Variants in SENP7 observed in about 807,000 individuals in gnomAD.
SENP7 encodes sentrin-specific protease 7.
In SENP7, 64 loss-of-function variants were observed where a neutral mutation model predicts 141.2. That is an observed-to-expected ratio of 0.45 (90% CI 0.37 to 0.56). SENP7 has a LOEUF of 0.56. Among genes scored for constraint, SENP7 ranks in the 20% least tolerant of loss-of-function variants. SENP7 has a pLI of 0.00. For missense variants in SENP7, 1,025 were observed against 1,212.2 expected (o/e 0.85, Z 2.29); for synonymous variants, 382 against 426.4 (o/e 0.90, Z 1.28).
chr3:101,398,447 G>A (rs1003042331), intron 6 of SENP7, among the ~76,000 whole-genome samples: 8 of 152,108 alleles, frequency 5.3e-5, no homozygotes, highest in Non-Finnish European at 7.4e-5. Context: ...GCGACAGAAC[G>A]AGACTCCGCC....
rs1482854528 is a variant in SENP7, at chr3:101,325,894, G to C, written c.*49C>G. ...TGGCTAACACAAATGCTGGTAAGAG[G>C]CTTTCCAGTAATCTTAGAGAACATC... is the stretch of plus-strand genomic sequence containing the variant. On this transcript the variant is annotated 3_prime_UTR_variant, in exon 24 of 24. Coordinates refer to ENST00000394095, the MANE Select transcript of SENP7 (RefSeq NM_020654.5). 2 of 1,503,542 alleles carry C rather than the reference G, an allele frequency of 1.3e-6. No homozygotes were observed. The highest frequency in any genetic ancestry group is 1.8e-6 in the Non-Finnish European group (2 of 1,122,436). The allele number at this position is 1,503,542 out of a possible 1,614,324, so 93.1% of individuals were successfully genotyped here. A position where few individuals can be genotyped will look rare whatever the true frequency, so the allele number is the denominator to read the frequency against.
intron 4 of SENP7, among the ~76,000 whole-genome samples, chr3:101,457,925 C>T (rs1252395399): frequency 6.6e-6 from 1 of 152,180 alleles, no homozygotes. Context: ...ATGTGCAAAC[C>T]TTTCCGAAAA....
intron 12 of SENP7, among the ~76,000 whole-genome samples, chr3:101,350,910 T>C (rs2107267587): frequency 6.6e-6 from 1 of 152,156 alleles, no homozygotes; most frequent in Non-Finnish European, 1.5e-5. Context: ...AGAACAATTA[T>C]CATAACATAG....
intron 6 of SENP7, among the ~76,000 whole-genome samples, chr3:101,388,800 G>GA (rs561095230): frequency 2.4e-4 from 34 of 140,794 alleles, no homozygotes; most frequent in Admixed American, 8.4e-4. Flanking sequence ...TAGATATCCA[G>GA]AAAAAAAAAA....
At chr3:101,438,767 T>G (rs1030184021) in intron 4 of SENP7, among the ~76,000 whole-genome samples, 3 of 152,222 alleles carry the variant, frequency 2.0e-5, no homozygotes, top group African/African-American at 4.8e-5. Flanking sequence ...ACCAGATGGC[T>G]TCACTGATGA....
At position 101,343,692 on chromosome 3, in the gene SENP7, T is replaced by C; in HGVS notation, c.2100A>G (p.Val700=). 6.2e-7 allele frequency: 1 copy of C among 1,610,756 alleles called. No individual in the cohort carries two copies. The highest frequency in any genetic ancestry group is 8.5e-7 in the Non-Finnish European group (1 of 1,178,730). The change falls in exon 14 of 24, where the codon GTA becomes GTG. Residue 700 remains valine, a synonymous_variant. Transcript: ENST00000394095. ...AVAEEMKLKS[V]SQPSNTDAAK... is the part of the protein sequence containing the mutation. ...ATATTAATGATATGCTAACCTGAGATACTGATTTCAGCTTCATTTCTTCAG... is the reference window on the plus strand; with the variant it reads ...ATATTAATGATATGCTAACCTGAGACACTGATTTCAGCTTCATTTCTTCAG...
intron 9 of SENP7, among the ~76,000 whole-genome samples, chr3:101,365,790 C>T (rs776622590): frequency 6.6e-6 from 1 of 151,994 alleles, no homozygotes; most frequent in Non-Finnish European, 1.5e-5. Context: ...TCTATATCAG[C>T]GCAATTATTC....
At chr3:101,374,844 G>A (rs937491641) in intron 6 of SENP7, among the ~76,000 whole-genome samples, 2 of 150,572 alleles carry the variant, frequency 1.3e-5, no homozygotes, top group South Asian at 2.1e-4. Flanking sequence ...CACAGAATGG[G>A]AGAAAATATC....
At chr3:101,384,626 C>T (rs2553424) in intron 6 of SENP7, among the ~76,000 whole-genome samples, 48,475 of 152,112 alleles carry the variant, frequency 0.32, 8,227 homozygotes, top group Non-Finnish European at 0.38. Context: ...GCACAGTGGC[C>T]AGACCCAGCA....
intron 3 of SENP7, among the ~76,000 whole-genome samples, chr3:101,478,376 C>G (rs958670591): frequency 4.6e-5 from 7 of 152,018 alleles, no homozygotes; most frequent in African/African-American, 1.7e-4. Flanking sequence ...TTTTAATTAG[C>G]CAGCCATGGT....
At chr3:101,459,099 CAAG>C (rs746219318) in intron 3 of SENP7, 47 bp from the exon 4 acceptor site, 2 of 1,072,796 alleles carry the variant, frequency 1.9e-6, no homozygotes, top group African/African-American at 1.6e-5. Context: ...ATCAATATGA[CAAG>C]AGGCATTTAA....
At position 101,446,014 on chromosome 3, in the gene SENP7, A is replaced by G. The variant is rs183523205; in HGVS notation, c.284+12941T>C. On this transcript the variant is annotated intron_variant, in intron 4 of 23. Coordinates refer to ENST00000394095, the MANE Select transcript of SENP7 (RefSeq NM_020654.5). ...ATCTCATGTCATATTGTAATCCCCA[A>G]TGTTGGAAGAGGGGCCTTATGGGAG... 2.1e-3 allele frequency among the ~76,000 whole-genome samples: 322 copies of G among 152,218 alleles called. 1 individual carries two copies. Among genetic ancestry groups the G allele is most frequent in the African/African-American group, 7.4e-3 (309 of 41,540 alleles).
At position 101,367,887 on chromosome 3, in the gene SENP7, T is replaced by C. The variant is rs1192061528; in HGVS notation, c.921A>G (p.Arg307=). The C allele has an allele frequency of 6.2e-7, 1 of 1,611,040 alleles. No homozygotes were observed. The highest frequency in any genetic ancestry group is 8.5e-7 in the Non-Finnish European group (1 of 1,177,542). ...AATATTGAGAATCAGGTAAATTATT[T>C]CTAAGCCTTCTCTTTGTCTTCCTGG... ...LISRKTKRRL[R]NNLPDSQYCT... The change falls in exon 8 of 24, where the codon AGA becomes AGG. Residue 307 remains arginine (R), a synonymous_variant. Transcript: ENST00000394095.
At chr3:101,352,738 C>T (rs58658303) in intron 11 of SENP7, among the ~76,000 whole-genome samples, 4 of 151,938 alleles carry the variant, frequency 2.6e-5, no homozygotes, top group Admixed American at 6.6e-5. Flanking sequence ...GAGCACAAAA[C>T]GAAATCAAAA....
chr3:101,336,326 C>T (rs1297223249), intron 17 of SENP7, among the ~76,000 whole-genome samples: 4 of 152,144 alleles, frequency 2.6e-5, no homozygotes, highest in Non-Finnish European at 5.9e-5. Flanking sequence ...ATCCATTAAT[C>T]CTCTTCTAAC....
In SENP7 at chr3:101,501,053, G is replaced by C. The variant is rs769467189; in HGVS notation, c.90+17C>G. 6.4e-7 allele frequency: 1 copy of C among 1,568,738 alleles called. No homozygotes were observed. The highest frequency in any genetic ancestry group is 8.7e-7 in the Non-Finnish European group (1 of 1,145,028). ...TAACTCCAAAGATAATAGGTTAAAA[G>C]CAAAACAAATGCATACCTCCGATAA... On this transcript the variant is annotated intron_variant, in intron 2 of 23. Transcript: ENST00000394095.
At chr3:101,400,021 T>C (rs1239910340) in intron 5 of SENP7, among the ~76,000 whole-genome samples, 2 of 152,220 alleles carry the variant, frequency 1.3e-5, no homozygotes, top group Admixed American at 6.5e-5. Context: ...AAGATGTACA[T>C]TTGATATATA....
At chr3:101,404,870 T>A (rs980987940) in intron 5 of SENP7, among the ~76,000 whole-genome samples, 2 of 152,018 alleles carry the variant, frequency 1.3e-5, no homozygotes, top group Admixed American at 1.3e-4. Flanking sequence ...AAAACCACAA[T>A]GAGACGCACA....
At chr3:101,364,742 A>G in intron 10 of SENP7, 92 bp downstream of exon 10, 10 of 945,308 alleles carry the variant, frequency 1.1e-5, no homozygotes, top group Non-Finnish European at 1.5e-5. Context: ...TGTAATTTTC[A>G]TTACAATATT....
Sources: gnomAD v4.1 joint callset for allele counts (sites outside exome capture counted in the v4.1 genomes callset) on GRCh38, gnomAD v4.1.1 for gene constraint, MANE v1.5 for transcripts, NCBI Gene and HGNC (gene_info 2026-07-23, HGNC 2026-07-21) for gene names.